Variants in DISC1 observed in about 807,000 individuals in gnomAD.
DISC1 encodes disrupted in schizophrenia 1 protein.
A neutral mutation model predicts 84.5 loss-of-function variants in DISC1; 57 were observed. That is an observed-to-expected ratio of 0.67 (90% CI 0.55 to 0.84). DISC1 has a LOEUF of 0.84. Among genes scored for constraint, DISC1 ranks in the 40% least tolerant of loss-of-function variants. The pLI is 0.00. For missense variants in DISC1, 1,000 were observed against 1,057.8 expected (o/e 0.95, Z 0.76); for synonymous variants, 411 against 415.2 (o/e 0.99, Z 0.12).
At chr1:231,734,600 T>C (rs1291259510) in intron 3 of DISC1, among the ~76,000 whole-genome samples, 1 of 152,198 alleles carries the variant, frequency 6.6e-6, no homozygotes, top group East Asian at 1.9e-4. Flanking sequence ...TTTTCTATTT[T>C]AGTCATTCAC....
chr1:231,894,453 T>A (rs2087517169), intron 9 of DISC1, among the ~76,000 whole-genome samples: 1 of 152,168 alleles, frequency 6.6e-6, no homozygotes, highest in Non-Finnish European at 1.5e-5. Flanking sequence ...TCAGTGTTTT[T>A]GTCATACAAA....
chr1:231,923,071 A>G (rs1392435865), intron 9 of DISC1, among the ~76,000 whole-genome samples: 3 of 152,082 alleles, frequency 2.0e-5, no homozygotes, highest in Non-Finnish European at 2.9e-5. Context: ...AGGTCAGGAC[A>G]TTAAGACCAT....
At chr1:231,962,231 T>C (rs951710259) in intron 10 of DISC1, among the ~76,000 whole-genome samples, 2 of 152,234 alleles carry the variant, frequency 1.3e-5, no homozygotes, top group African/African-American at 4.8e-5. Flanking sequence ...GAGTTATTTG[T>C]TTTTTCTTTG....
intron 9 of DISC1, among the ~76,000 whole-genome samples, chr1:231,927,118 C>G (rs1222860617): frequency 6.6e-6 from 1 of 152,206 alleles, no homozygotes; most frequent in Non-Finnish European, 1.5e-5. Context: ...ACTAGTTGCT[C>G]TCCAACTAGA....
At chr1:231,886,009 C>G (rs541022859) in intron 9 of DISC1, among the ~76,000 whole-genome samples, 1 of 152,286 alleles carries the variant, frequency 6.6e-6, no homozygotes, top group South Asian at 2.1e-4. Flanking sequence ...AGGCCTCTTG[C>G]TGCATCATGC....
chr1:231,719,199 TTG>T (rs1230353026), intron 3 of DISC1, among the ~76,000 whole-genome samples: 3 of 152,178 alleles, frequency 2.0e-5, no homozygotes, highest in African/African-American at 7.2e-5. Flanking sequence ...CTCATACATA[TTG>T]TGTTTTAGCA....
intron 1 of DISC1, among the ~76,000 whole-genome samples, chr1:231,668,089 A>G (rs1322824204): frequency 1.3e-5 from 2 of 152,034 alleles, no homozygotes; most frequent in East Asian, 3.9e-4. Flanking sequence ...CTTAATACAT[A>G]CATCTTGATA....
At chr1:232,033,787 A>G (rs1670270079) in intron 12 of DISC1, among the ~76,000 whole-genome samples, 1 of 152,228 alleles carries the variant, frequency 6.6e-6, no homozygotes, top group Non-Finnish European at 1.5e-5. Context: ...TTATAAACAT[A>G]TTGATTTAAA....
intron 8 of DISC1, among the ~76,000 whole-genome samples, chr1:231,816,781 A>G (rs893670073): frequency 3.9e-5 from 6 of 152,120 alleles, no homozygotes; most frequent in Non-Finnish European, 7.3e-5. Flanking sequence ...ATTCAATGCC[A>G]TATTACCTTG....
intron 3 of DISC1, among the ~76,000 whole-genome samples, chr1:231,739,454 C>T (rs4658941): frequency 0.27 from 40,455 of 152,180 alleles, 5,939 homozygotes; most frequent in East Asian, 0.44. Context: ...CTCATCACCA[C>T]GTGTGCTGCC....
intron 3 of DISC1, among the ~76,000 whole-genome samples, chr1:231,739,314 T>A (rs568063485): frequency 4.9e-4 from 74 of 152,350 alleles, no homozygotes; most frequent in African/African-American, 1.7e-3. Flanking sequence ...GCCCTCTTTA[T>A]CTTCATATCC....
intron 9 of DISC1, among the ~76,000 whole-genome samples, chr1:231,863,932 C>T (rs753974919): frequency 1.6e-4 from 25 of 152,118 alleles, no homozygotes; most frequent in Non-Finnish European, 3.2e-4. Context: ...ATCACTGTGT[C>T]GCCTGAAGAG....
chr1:231,790,481 C>T (rs1018161480), intron 6 of DISC1, among the ~76,000 whole-genome samples: 1 of 151,966 alleles, frequency 6.6e-6, no homozygotes, highest in African/African-American at 2.4e-5. Context: ...ATGATCTTCC[C>T]TCCACATGTG....
intron 6 of DISC1, among the ~76,000 whole-genome samples, chr1:231,771,924 C>G (rs936994017): frequency 1.3e-5 from 2 of 151,768 alleles, no homozygotes; most frequent in Non-Finnish European, 2.9e-5. Context: ...TCTGCCTCAG[C>G]ATCTGGAGTA....
chr1:231,778,371 T>A (rs1366596046), intron 6 of DISC1, among the ~76,000 whole-genome samples: 2 of 152,216 alleles, frequency 1.3e-5, no homozygotes, highest in East Asian at 3.8e-4. Flanking sequence ...TAGTATTTTA[T>A]GAAATAAGTT....
At chr1:231,870,859 T>C (rs2085405871) in intron 9 of DISC1, among the ~76,000 whole-genome samples, 1 of 152,274 alleles carries the variant, frequency 6.6e-6, no homozygotes, top group Non-Finnish European at 1.5e-5. Context: ...AAAAGTAATT[T>C]AGATTATATT....
intron 9 of DISC1, among the ~76,000 whole-genome samples, chr1:231,910,987 A>G (rs1297871207): frequency 6.6e-6 from 1 of 152,184 alleles, no homozygotes; most frequent in Non-Finnish European, 1.5e-5. Flanking sequence ...ATCAGAGACT[A>G]GGATTGCAAC....
At chr1:231,741,302 A>G (rs984235786) in intron 3 of DISC1, among the ~76,000 whole-genome samples, 10 of 152,234 alleles carry the variant, frequency 6.6e-5, no homozygotes, top group Non-Finnish European at 4.4e-5. Context: ...GCAGAGTAAC[A>G]TCTTGCTAGG....
At chr1:231,940,381 G>A (rs2091247664) in intron 9 of DISC1, among the ~76,000 whole-genome samples, 1 of 152,076 alleles carries the variant, frequency 6.6e-6, no homozygotes, top group Admixed American at 6.5e-5. Context: ...GCACTCTCCC[G>A]AGCCAAGGGG....
Sources: gnomAD v4.1 joint callset for allele counts (sites outside exome capture counted in the v4.1 genomes callset) on GRCh38, gnomAD v4.1.1 for gene constraint, MANE v1.5 for transcripts, NCBI Gene and HGNC (gene_info 2026-07-23, HGNC 2026-07-21) for gene names.